Variants in EYS observed in about 807,000 individuals in gnomAD.
The protein encoded by EYS is protein eyes shut homolog.
EYS carries 250 observed loss-of-function variants against 282.1 expected under a neutral mutation model. The ratio of observed to expected loss-of-function variants is 0.89; its 90% CI spans 0.80 to 0.98. The LOEUF is 0.98. Ranked by LOEUF, EYS falls within the 50% of genes least tolerant of loss-of-function variation. EYS has a pLI of 0.00. For missense variants in EYS, 4,016 were observed against 3,709.0 expected, an observed-to-expected ratio of 1.08 and a Z score of -2.15; for synonymous variants, 1,355 against 1,282.9, an observed-to-expected ratio of 1.06 and a Z score of -1.20.
At chr6:63,890,485 C>T (rs2149724317) in intron 35 of EYS, among the ~76,000 whole-genome samples, 1 of 152,276 alleles carries the variant, frequency 6.6e-6, no homozygotes, top group South Asian at 2.1e-4. Flanking sequence ...GAACAACCTC[C>T]TGAATGACTA....
intron 12 of EYS, among the ~76,000 whole-genome samples, chr6:65,067,143 T>C (rs1340179966): frequency 6.6e-6 from 1 of 152,122 alleles, no homozygotes; most frequent in East Asian, 1.9e-4. Context: ...AAGTTAATTA[T>C]ATCCCCAAAG....
In EYS at chr6:64,598,333, C is replaced by T. The variant is rs539746886; in HGVS notation, c.3685-5024G>A. 1.3e-5 allele frequency among the ~76,000 whole-genome samples: 2 copies of T among 152,096 alleles called. 1 individual carries two copies. Among genetic ancestry groups the T allele is most frequent in the Non-Finnish European group, 2.9e-5 (2 of 68,000 alleles). On this transcript the variant is annotated intron_variant, in intron 24 of 42. Coordinates refer to ENST00000503581, the MANE Select transcript of EYS (RefSeq NM_001142800.2). ...AAAATTAGCCGGCCTTGGTGGCGGGCGTCTGTAGTCCCAGCTACTCGGGAG... is the reference window on the plus strand; with the variant it reads ...AAAATTAGCCGGCCTTGGTGGCGGGTGTCTGTAGTCCCAGCTACTCGGGAG...
At chr6:65,402,132 G>A (rs969990156) in intron 7 of EYS, among the ~76,000 whole-genome samples, 9 of 151,644 alleles carry the variant, frequency 5.9e-5, no homozygotes, top group African/African-American at 1.4e-4. Context: ...TATTATATAT[G>A]TATAACAAAA....
chr6:65,408,555 C>T (rs1766850433), intron 5 of EYS, among the ~76,000 whole-genome samples: 1 of 152,018 alleles, frequency 6.6e-6, no homozygotes, highest in African/African-American at 2.4e-5. Context: ...AAAGTTTGAG[C>T]GGTCATTAAT....
chr6:64,633,770 G>T (rs947133589), intron 22 of EYS, among the ~76,000 whole-genome samples: 2 of 152,024 alleles, frequency 1.3e-5, no homozygotes, highest in South Asian at 4.2e-4. Flanking sequence ...CTATAAAGAG[G>T]CCCATGTGGA....
chr6:65,373,129 A>C (rs1765226869), intron 8 of EYS, among the ~76,000 whole-genome samples: 1 of 152,164 alleles, frequency 6.6e-6, no homozygotes, highest in African/African-American at 2.4e-5. Flanking sequence ...CAAAACTCTG[A>C]TTAAACTTGG....
At chr6:65,587,627 C>T (rs1299860210) in intron 2 of EYS, among the ~76,000 whole-genome samples, 1 of 152,006 alleles carries the variant, frequency 6.6e-6, no homozygotes, top group African/African-American at 2.4e-5. Flanking sequence ...TCAGGTATGT[C>T]TTCATTGGCA....
At chr6:64,647,817 T>C (rs998767166) in intron 22 of EYS, among the ~76,000 whole-genome samples, 5 of 152,196 alleles carry the variant, frequency 3.3e-5, no homozygotes, top group Admixed American at 2.0e-4. Context: ...AACCGACTCC[T>C]TATAGGTAGG....
At chr6:65,258,229 A>G (rs1767523441) in intron 12 of EYS, among the ~76,000 whole-genome samples, 1 of 152,026 alleles carries the variant, frequency 6.6e-6, no homozygotes, top group Non-Finnish European at 1.5e-5. Context: ...ACAGAAAAAA[A>G]ATTGTTGGAA....
intron 31 of EYS, among the ~76,000 whole-genome samples, chr6:64,218,835 C>T (rs1322892298): frequency 6.6e-6 from 1 of 152,126 alleles, no homozygotes; most frequent in African/African-American, 2.4e-5. Context: ...TCTTAGTTGG[C>T]AGAACCGTGA....
intron 9 of EYS, among the ~76,000 whole-genome samples, chr6:65,351,026 G>A (rs1014067939): frequency 6.6e-6 from 1 of 151,594 alleles, no homozygotes; most frequent in Non-Finnish European, 1.5e-5. Flanking sequence ...AGATCTTAAT[G>A]GCAATTATCA....
At chr6:65,247,395 C>G (rs1226771900) in intron 12 of EYS, among the ~76,000 whole-genome samples, 1 of 151,932 alleles carries the variant, frequency 6.6e-6, no homozygotes, top group Non-Finnish European at 1.5e-5. Context: ...ATTCCTATAC[C>G]TAATCTTTTA....
intron 11 of EYS, among the ~76,000 whole-genome samples, chr6:65,307,936 G>A (rs975828868): frequency 1.1e-3 from 164 of 150,208 alleles, no homozygotes; most frequent in African/African-American, 3.7e-3. Flanking sequence ...GTGTGTATAA[G>A]TGTGTTTATT....
intron 12 of EYS, among the ~76,000 whole-genome samples, chr6:65,269,030 C>A (rs1040733398): frequency 6.6e-6 from 1 of 152,084 alleles, no homozygotes; most frequent in Admixed American, 6.6e-5. Flanking sequence ...TATCTCCAAT[C>A]TAAGCCTAAT....
intron 12 of EYS, among the ~76,000 whole-genome samples, chr6:65,182,629 C>T (rs1765418817): frequency 6.6e-6 from 1 of 151,818 alleles, no homozygotes; most frequent in Non-Finnish European, 1.5e-5. Flanking sequence ...CTAATCCTCA[C>T]AAATCTATTA....
intron 26 of EYS, among the ~76,000 whole-genome samples, chr6:64,441,299 C>A (rs902294116): frequency 2.6e-5 from 4 of 152,156 alleles, no homozygotes; most frequent in Admixed American, 1.3e-4. Flanking sequence ...GGTTACACAA[C>A]TCTGAATGAA....
chr6:65,306,388 A>C (rs1055305359), intron 11 of EYS, among the ~76,000 whole-genome samples: 3 of 152,238 alleles, frequency 2.0e-5, no homozygotes, highest in Admixed American at 1.3e-4. Flanking sequence ...ACACACCTCT[A>C]CCAATCCATC....
intron 8 of EYS, among the ~76,000 whole-genome samples, chr6:65,366,561 A>G (rs1764920264): frequency 6.6e-6 from 1 of 151,730 alleles, no homozygotes; most frequent in Admixed American, 6.7e-5. Flanking sequence ...TCAGTTAGAG[A>G]GCTTCTTTAA....
intron 29 of EYS, among the ~76,000 whole-genome samples, chr6:64,328,398 C>T (rs980901319): frequency 2.0e-5 from 3 of 152,066 alleles, no homozygotes; most frequent in African/African-American, 7.2e-5. Flanking sequence ...GCAGTGGTAT[C>T]GAGAGGCACT....
Sources: allele counts gnomAD v4.1 joint callset (sites outside exome capture counted in the v4.1 genomes callset), GRCh38; gene constraint gnomAD v4.1.1; transcripts MANE v1.5; gene names NCBI Gene and HGNC (gene_info 2026-07-23, HGNC 2026-07-21).